Variants in TTLL5 observed in about 807,000 individuals in gnomAD.
The protein encoded by TTLL5 is tubulin polyglutamylase TTLL5.
TTLL5 carries 132 observed loss-of-function variants against 168.4 expected under a neutral mutation model. That is an observed-to-expected ratio of 0.78 (90% CI 0.68 to 0.91). TTLL5 has a LOEUF of 0.91. TTLL5 is among the 40% of genes least tolerant of loss of function. TTLL5 has a pLI of 0.00. For synonymous variants in TTLL5, 546 were observed against 558.6 expected, an observed-to-expected ratio of 0.98 and a Z score of 0.32; for missense variants, 1,545 against 1,581.5, an observed-to-expected ratio of 0.98 and a Z score of 0.39.
intron 18 of TTLL5, among the ~76,000 whole-genome samples, chr14:75,756,962 TTTGTTG>T (rs138625752): frequency 5.3e-5 from 8 of 150,618 alleles, no homozygotes; most frequent in African/African-American, 1.7e-4. Context: ...CAATAGAGGT[TTTGTTG>T]TTGTTGTTGT....
intron 23 of TTLL5, among the ~76,000 whole-genome samples, chr14:75,779,211 A>G (rs770399683): frequency 2.0e-5 from 3 of 152,226 alleles, no homozygotes; most frequent in Non-Finnish European, 2.9e-5. Flanking sequence ...CGCCTGTTCT[A>G]GAATGTGGCT....
chr14:75,759,674 A>G (rs1208361919), intron 18 of TTLL5, among the ~76,000 whole-genome samples: 1 of 152,114 alleles, frequency 6.6e-6, no homozygotes, highest in African/African-American at 2.4e-5. Flanking sequence ...AAAAAGGATA[A>G]TACATATGAC....
chr14:75,763,610 G>A (rs1890796089), intron 18 of TTLL5, among the ~76,000 whole-genome samples: 1 of 152,180 alleles, frequency 6.6e-6, no homozygotes, highest in Non-Finnish European at 1.5e-5. Context: ...TATTGCGTTT[G>A]AGCGTAGAGA....
intron 31 of TTLL5, among the ~76,000 whole-genome samples, chr14:75,910,433 A>C (rs1047762893): frequency 6.6e-6 from 1 of 152,240 alleles, no homozygotes; most frequent in African/African-American, 2.4e-5. Flanking sequence ...GCAAGTAACC[A>C]GCATAAGGCT....
intron 15 of TTLL5, among the ~76,000 whole-genome samples, chr14:75,741,643 C>T (rs1163975612): frequency 6.6e-6 from 1 of 151,298 alleles, no homozygotes; most frequent in Non-Finnish European, 1.5e-5. Context: ...TCCCTTCTCT[C>T]TTTCTCTACC....
chr14:75,720,792 T>TA (rs1887786117), intron 12 of TTLL5, 89 bp downstream of exon 12: 2 of 1,054,800 alleles, frequency 1.9e-6, no homozygotes, highest in Admixed American at 3.4e-5. Context: ...TTAGTGATTC[T>TA]ATAGCAGTAA....
intron 28 of TTLL5, among the ~76,000 whole-genome samples, chr14:75,855,499 G>A (rs1897087354): frequency 6.6e-6 from 1 of 152,134 alleles, no homozygotes; most frequent in Non-Finnish European, 1.5e-5. Context: ...TGCACCACAT[G>A]GAGCAGATAA....
chr14:75,679,549 C>T (rs1566811340), intron 3 of TTLL5, among the ~76,000 whole-genome samples: 2 of 152,306 alleles, frequency 1.3e-5, no homozygotes. Flanking sequence ...CCAATATTCC[C>T]TCTCGACTCC....
At chr14:75,667,497 C>CA (rs1037532082) in intron 2 of TTLL5, among the ~76,000 whole-genome samples, 2 of 152,136 alleles carry the variant, frequency 1.3e-5, no homozygotes, top group South Asian at 2.1e-4. Flanking sequence ...AAGCAAGCCA[C>CA]AAAAAAATCC....
intron 15 of TTLL5, among the ~76,000 whole-genome samples, chr14:75,742,290 TACTC>T (rs1889325254): frequency 6.6e-6 from 1 of 152,248 alleles, no homozygotes; most frequent in South Asian, 2.1e-4. Context: ...GGCTGTTTCT[TACTC>T]TCTCTTTACG....
chr14:75,788,850 G>A (rs1331610985), intron 26 of TTLL5, among the ~76,000 whole-genome samples: 1 of 152,006 alleles, frequency 6.6e-6, no homozygotes, highest in Non-Finnish European at 1.5e-5. Flanking sequence ...GCAAAAATTT[G>A]AATCAAAATA....
chr14:75,826,922 T>TG (rs1595108359), intron 28 of TTLL5, among the ~76,000 whole-genome samples: 1 of 16,312 alleles, frequency 6.1e-5, no homozygotes, highest in East Asian at 2.6e-3. Flanking sequence ...ATCCTTTAAC[T>TG]AACCCACCTG....
chr14:75,898,352 A>C (rs927457600), intron 30 of TTLL5, among the ~76,000 whole-genome samples: 1 of 152,182 alleles, frequency 6.6e-6, no homozygotes, highest in Non-Finnish European at 1.5e-5. Flanking sequence ...TTAAAGATAC[A>C]TATTTTAGGC....
intron 31 of TTLL5, among the ~76,000 whole-genome samples, chr14:75,933,858 G>C (rs1032308288): frequency 6.6e-6 from 1 of 152,166 alleles, no homozygotes; most frequent in Admixed American, 6.5e-5. Context: ...GACACACAAG[G>C]AGACACCAGG....
intron 28 of TTLL5, among the ~76,000 whole-genome samples, chr14:75,858,142 C>G (rs1461385056): frequency 6.6e-6 from 1 of 152,150 alleles, no homozygotes; most frequent in African/African-American, 2.4e-5. Context: ...CCTCAGGACC[C>G]TTTGAGGAAG....
At chr14:75,795,790 G>GTA (rs1229663435) in intron 27 of TTLL5, among the ~76,000 whole-genome samples, 9 of 152,030 alleles carry the variant, frequency 5.9e-5, no homozygotes, top group South Asian at 2.1e-4. Flanking sequence ...AGTCCATGGT[G>GTA]TATATATATA....
At chr14:75,886,560 T>C in intron 30 of TTLL5, 3 of 1,015,898 alleles carry the variant, frequency 3.0e-6, no homozygotes, top group Non-Finnish European at 2.9e-6. Context: ...CAAATTCATA[T>C]ACTTGTATTT....
chr14:75,669,359 C>T (rs1187312584), intron 2 of TTLL5, 57 bp from the exon 3 acceptor site: 6 of 1,479,584 alleles, frequency 4.1e-6, no homozygotes, highest in Non-Finnish European at 5.6e-6. Flanking sequence ...TAATCTGCAT[C>T]AGCAGTTAGT....
At chr14:75,724,564 T>C (rs940616540) in intron 12 of TTLL5, among the ~76,000 whole-genome samples, 5 of 152,204 alleles carry the variant, frequency 3.3e-5, no homozygotes, top group Non-Finnish European at 5.9e-5. Flanking sequence ...TTAGTTCAGA[T>C]ATAGAAATTG....
Sources: allele counts gnomAD v4.1 joint callset (sites outside exome capture counted in the v4.1 genomes callset), GRCh38; gene constraint gnomAD v4.1.1; transcripts MANE v1.5; gene names NCBI Gene and HGNC (gene_info 2026-07-23, HGNC 2026-07-21).